The following CC2D2A variants were observed in gnomAD, a reference collection of about 807,000 sequenced individuals.
CC2D2A encodes the protein coiled-coil and C2 domain containing 2A.
In CC2D2A, 155 loss-of-function variants were observed where a neutral mutation model predicts 212.9. The observed-to-expected ratio is 0.73, with a 90% confidence interval of 0.64 to 0.83. The LOEUF (loss-of-function observed/expected upper bound fraction) is 0.83, where lower values mean the gene tolerates loss of function less well. Among genes scored for constraint, CC2D2A ranks in the 40% least tolerant of loss-of-function variants. CC2D2A has a pLI of 0.00. For synonymous variants in CC2D2A, 667 were observed against 686.5 expected (o/e 0.97, Z 0.44); for missense variants, 1,856 against 1,956.2 (o/e 0.95, Z 0.97).
intron 4 of CC2D2A, among the ~76,000 whole-genome samples, chr4:15,487,356 A>G (rs1486224620): frequency 1.3e-5 from 2 of 152,098 alleles, no homozygotes; most frequent in African/African-American, 4.8e-5. Context: ...CAAGTATTAT[A>G]TCCTCTTGAT....
chr4:15,538,243 C>A, intron 16 of CC2D2A, 106 bp downstream of exon 16: 2 of 1,200,008 alleles, frequency 1.7e-6, no homozygotes, highest in Non-Finnish European at 2.3e-6. Flanking sequence ...ACTTACTGAC[C>A]TACACGAGCA....
At chr4:15,536,550 A>G (rs1347830280) in intron 14 of CC2D2A, among the ~76,000 whole-genome samples, 1 of 152,202 alleles carries the variant, frequency 6.6e-6, no homozygotes, top group Non-Finnish European at 1.5e-5. Flanking sequence ...TGAAGAAGTC[A>G]TAAAATAACT....
At chr4:15,536,079 G>A (rs1298464070) in intron 14 of CC2D2A, among the ~76,000 whole-genome samples, 1 of 152,124 alleles carries the variant, frequency 6.6e-6, no homozygotes, top group Non-Finnish European at 1.5e-5. Context: ...ACACACTGTG[G>A]GAAACGGTGG....
intron 11 of CC2D2A, among the ~76,000 whole-genome samples, chr4:15,524,143 G>A (rs761023277): frequency 5.9e-5 from 9 of 152,066 alleles, no homozygotes; most frequent in Non-Finnish European, 8.8e-5. Context: ...ATTTTTGTTT[G>A]TTTGTTTTGA....
rs752999679 is a variant in CC2D2A, at chr4:15,599,579, T to C, written c.4547T>C (p.Leu1516Pro). 2.5e-6 allele frequency: 4 copies of C among 1,604,568 alleles called. No homozygotes were observed. The Admixed American group carries it at 6.7e-5, about 27-fold the overall frequency. Reference protein sequence around the residue: ...EKIMDWRPRHLTRWNRYCTST... With the variant: ...EKIMDWRPRHPTRWNRYCTST... ...ATCATGGACTGGAGGCCACGCCATCTGACTCGGTGGAATAGGTATTGTACC... is the reference window on the plus strand; with the variant it reads ...ATCATGGACTGGAGGCCACGCCATCCGACTCGGTGGAATAGGTATTGTACC... The change falls in exon 36 of 37, where the codon CTG (leucine) becomes CCG (proline). Residue 1516 changes from leucine to proline, a missense_variant. Transcript: ENST00000424120.
chr4:15,599,174 T>C (rs532769645), intron 35 of CC2D2A, among the ~76,000 whole-genome samples: 5 of 152,178 alleles, frequency 3.3e-5, no homozygotes, highest in African/African-American at 1.2e-4. Flanking sequence ...AAAAAATTAG[T>C]AATAATAAAC....
intron 11 of CC2D2A, among the ~76,000 whole-genome samples, chr4:15,525,578 C>G (rs2109022464): frequency 6.6e-6 from 1 of 152,092 alleles, no homozygotes; most frequent in Non-Finnish European, 1.5e-5. Context: ...TATTAATGAC[C>G]AGATCTGATC....
intron 21 of CC2D2A, among the ~76,000 whole-genome samples, chr4:15,557,788 G>A (rs1719365305): frequency 6.6e-6 from 1 of 152,196 alleles, no homozygotes; most frequent in African/African-American, 2.4e-5. Flanking sequence ...AAATATCTTA[G>A]AGGTTAATAT....
rs1047285059 is a variant in CC2D2A, at chr4:15,527,381, A to G, written c.1150-66A>G. On this transcript the variant is annotated intron_variant, in intron 11 of 36. Transcript: ENST00000424120. ...GCATCTGACCGTTTTCCCATTGTGG[A>G]TTAGAGAATCATTATCTAGTAAGTG... 3 of 1,209,060 alleles carry G rather than the reference A, an allele frequency of 2.5e-6. No homozygotes were observed. The African/African-American group carries it at 4.5e-5, about 18-fold the overall frequency. The allele number at this position is 1,209,060 out of a possible 1,614,324, so 74.9% of individuals were successfully genotyped here.
At chr4:15,596,322 C>T (rs979603358) in intron 34 of CC2D2A, 115 bp downstream of exon 34, 41 of 872,516 alleles carry the variant, frequency 4.7e-5, no homozygotes, top group Admixed American at 4.2e-4. Flanking sequence ...GTTTATCAAA[C>T]GCATCTGAGC....
chr4:15,495,568 C>A (rs1171291605), intron 4 of CC2D2A, among the ~76,000 whole-genome samples: 2 of 152,130 alleles, frequency 1.3e-5, no homozygotes, highest in African/African-American at 4.8e-5. Context: ...TGAATTCATT[C>A]TTTTTTATGG....
chr4:15,600,724 A>T (rs1352296359), intron 36 of CC2D2A, among the ~76,000 whole-genome samples: 9 of 151,998 alleles, frequency 5.9e-5, no homozygotes, highest in Admixed American at 5.9e-4. Context: ...CAGCATGGCA[A>T]AACTCCATCT....
At chr4:15,526,040 CTG>C (rs1442545517) in intron 11 of CC2D2A, among the ~76,000 whole-genome samples, 3 of 152,196 alleles carry the variant, frequency 2.0e-5, no homozygotes, top group Non-Finnish European at 4.4e-5. Context: ...ATAAAACAAT[CTG>C]TTCAAAACTT....
intron 4 of CC2D2A, chr4:15,492,757 A>T (rs965116491): frequency 1.4e-5 from 11 of 811,478 alleles, no homozygotes; most frequent in Non-Finnish European, 2.0e-5. Flanking sequence ...CATGAGGTCC[A>T]CCACTCTATT....
At chr4:15,550,034 A>C (rs1329190861) in intron 17 of CC2D2A, among the ~76,000 whole-genome samples, 1 of 152,272 alleles carries the variant, frequency 6.6e-6, no homozygotes, top group Non-Finnish European at 1.5e-5. Flanking sequence ...AATAAAACAC[A>C]GGAAAGAAGC....
chr4:15,572,230 T>C (rs1040044261), intron 28 of CC2D2A, among the ~76,000 whole-genome samples: 1 of 152,214 alleles, frequency 6.6e-6, no homozygotes, highest in Non-Finnish European at 1.5e-5. Context: ...ATCCTCATTT[T>C]ATAAATGGAG....
chr4:15,551,275 T>A (rs1162978470), intron 18 of CC2D2A, among the ~76,000 whole-genome samples: 1 of 152,208 alleles, frequency 6.6e-6, no homozygotes, highest in Non-Finnish European at 1.5e-5. Context: ...AAGAAAATAA[T>A]TTGAAAGGAG....
At chr4:15,514,108 C>A (rs1255101881) in intron 8 of CC2D2A, among the ~76,000 whole-genome samples, 1 of 152,150 alleles carries the variant, frequency 6.6e-6, no homozygotes, top group African/African-American at 2.4e-5. Context: ...AGCCTCTTTG[C>A]TTTGAATTTT....
chr4:15,532,597 G>T (rs1717905698), intron 13 of CC2D2A, among the ~76,000 whole-genome samples: 1 of 152,172 alleles, frequency 6.6e-6, no homozygotes, highest in Non-Finnish European at 1.5e-5. Context: ...TTTAGTAATT[G>T]TCTCATTATG....
Sources: allele counts gnomAD v4.1 joint callset (sites outside exome capture counted in the v4.1 genomes callset), GRCh38; gene constraint gnomAD v4.1.1; transcripts MANE v1.5; gene names NCBI Gene and HGNC (gene_info 2026-07-23, HGNC 2026-07-21).